Variants in CNNM2 observed in about 807,000 individuals in gnomAD.
The protein encoded by CNNM2 is cyclin and CBS domain divalent metal cation transport mediator 2.
Under a neutral mutation model 66.9 loss-of-function variants are expected in CNNM2, and 12 were observed. That is an observed-to-expected ratio of 0.18 (90% CI 0.11 to 0.29). The LOEUF is 0.29. Ranked by LOEUF, CNNM2 falls within the 10% of genes least tolerant of loss-of-function variation. The pLI is 1.00. For synonymous variants in CNNM2, 557 were observed against 501.8 expected (o/e 1.11, Z -1.47); for missense variants, 705 against 1,167.7 (o/e 0.60, Z 5.77).
At position 102,919,044 on chromosome 10, in the gene CNNM2, C is replaced by T. The variant is rs117691462; in HGVS notation, c.564C>T (p.Ser188=). The T allele has an allele frequency of 5.6e-3, 8,950 of 1,612,554 alleles. 32 individuals carry two copies. Among genetic ancestry groups the T allele is most frequent in the Non-Finnish European group, 6.9e-3 (8,191 of 1,179,478 alleles). The change falls in exon 1 of 8, where the codon TCC becomes TCT. Residue 188 remains serine (S), a synonymous_variant. Coordinates refer to ENST00000369878, the MANE Select transcript of CNNM2 (RefSeq NM_017649.5). ...TACGCAAGATGGAGAAGAGCAAGTC[C>T]TATTACCTGTGCACGTCGCTCTCCA... ...KPLRKMEKSK[S]YYLCTSLSTP... is the part of the protein sequence containing the mutation.
rs528932827 is a variant in CNNM2, at chr10:102,959,506, C to G, written c.1621+39405C>G. 2.6e-5 allele frequency among the ~76,000 whole-genome samples: 4 copies of G among 152,304 alleles called. No individual in the cohort carries two copies. The South Asian group carries it at 6.2e-4, about 24-fold the overall frequency. On this transcript the variant is annotated intron_variant, in intron 1 of 7. Transcript: ENST00000369878. Reference sequence around the variant, plus strand: ...AGACATCTGGCTTTGAATTCTGGCTCCTTTGCTTAATAGCTGCATAACACC... The same window carrying G: ...AGACATCTGGCTTTGAATTCTGGCTGCTTTGCTTAATAGCTGCATAACACC...
chr10:103,067,225 C>G (rs576434046), intron 4 of CNNM2, among the ~76,000 whole-genome samples: 1 of 151,724 alleles, frequency 6.6e-6, no homozygotes, highest in Non-Finnish European at 1.5e-5. Context: ...TACAGGTGCA[C>G]GCCACCATGC....
At chr10:102,945,209 G>A (rs1341921490) in intron 1 of CNNM2, among the ~76,000 whole-genome samples, 1 of 151,890 alleles carries the variant, frequency 6.6e-6, no homozygotes, top group Non-Finnish European at 1.5e-5. Context: ...TTCAAGCATC[G>A]AAATAGGCGT....
At chr10:102,991,421 A>G (rs960429266) in intron 1 of CNNM2, among the ~76,000 whole-genome samples, 1 of 152,202 alleles carries the variant, frequency 6.6e-6, no homozygotes, top group African/African-American at 2.4e-5. Flanking sequence ...ATTTATTTTT[A>G]GTAATATTTC....
At chr10:103,005,491 A>C (rs2064208173) in intron 1 of CNNM2, among the ~76,000 whole-genome samples, 1 of 151,880 alleles carries the variant, frequency 6.6e-6, no homozygotes. Flanking sequence ...TCTGCTAAAA[A>C]TACAAAAATT....
At chr10:103,040,741 T>A (rs910224914) in intron 1 of CNNM2, among the ~76,000 whole-genome samples, 1 of 152,076 alleles carries the variant, frequency 6.6e-6, no homozygotes, top group African/African-American at 2.4e-5. Flanking sequence ...GCTGACTGAT[T>A]TCAGATATTT....
At chr10:103,017,089 C>G (rs2064467626) in intron 1 of CNNM2, among the ~76,000 whole-genome samples, 1 of 151,872 alleles carries the variant, frequency 6.6e-6, no homozygotes, top group Non-Finnish European at 1.5e-5. Context: ...TTTGTGAGGC[C>G]CAACAATACT....
At chr10:102,982,769 T>C (rs1187628346) in intron 1 of CNNM2, among the ~76,000 whole-genome samples, 2 of 152,238 alleles carry the variant, frequency 1.3e-5, no homozygotes, top group Non-Finnish European at 2.9e-5. Flanking sequence ...ACGATACTCA[T>C]TGTTATTTCA....
Position 103,087,136 on chromosome 10 carries a change from C to A in CNNM2, c.*9956C>A, listed in dbSNP as rs572211962. 1.4e-5 allele frequency: 1 copy of A among 70,286 alleles called. No homozygotes were observed. The highest frequency in any genetic ancestry group is 3.2e-5 in the Non-Finnish European group (1 of 31,686). The allele number at this position is 70,286 out of a possible 1,614,324, so 4.4% of individuals were successfully genotyped here. A position where few individuals can be genotyped will look rare whatever the true frequency, so the allele number is the denominator to read the frequency against. ...GGTCTTCTCACGGTATAAAACTCCG[C>A]AGGATTTTTTTTTTTTTTTTTTTTT... On this transcript the variant is annotated 3_prime_UTR_variant, in exon 8 of 8. Transcript: ENST00000369878.
At position 103,081,839 on chromosome 10, in the gene CNNM2, A is replaced by G. The variant is rs2065761068; in HGVS notation, c.*4659A>G. Reference sequence around the variant, plus strand: ...GAAGAAGAGATGGCAGTTCACAGCAACTGCATAGAGTAGGGAGCAGCTTTC... The same window carrying G: ...GAAGAAGAGATGGCAGTTCACAGCAGCTGCATAGAGTAGGGAGCAGCTTTC... On this transcript the variant is annotated 3_prime_UTR_variant, in exon 8 of 8. Transcript: ENST00000369878. 1 of 152,216 alleles carries G rather than the reference A, an allele frequency of 6.6e-6. No homozygotes were observed. Among genetic ancestry groups the G allele is most frequent in the African/African-American group, 2.4e-5 (1 of 41,462 alleles). The allele number at this position is 152,216 out of a possible 1,614,324, so 9.4% of individuals were successfully genotyped here. A position where few individuals can be genotyped will look rare whatever the true frequency, so the allele number is the denominator to read the frequency against.
intron 1 of CNNM2, among the ~76,000 whole-genome samples, chr10:102,960,340 A>C (rs2063360641): frequency 6.6e-6 from 1 of 152,202 alleles, no homozygotes; most frequent in South Asian, 2.1e-4. Context: ...ATCATGACTG[A>C]AAGGTGTTTG....
rs1206577839 is a variant in CNNM2 at position 102,976,425 on chromosome 10, C to CTTTTTTTTT, written c.1621+56342_1621+56350dup. Among the ~76,000 whole-genome samples the CTTTTTTTTT allele has an allele frequency of 8.6e-5, 3 of 34,690 alleles. 1 individual carries two copies. Among genetic ancestry groups the CTTTTTTTTT allele is most frequent in the Non-Finnish European group, 1.5e-4 (3 of 19,636 alleles). 22.8% of individuals were successfully genotyped at this position (34,690 alleles called of 152,430 possible). A position where few individuals can be genotyped will look rare whatever the true frequency, so the allele number is the denominator to read the frequency against. ...TTACAGTATCAGTTCCAATTCTTGC[C>CTTTTTTTTT]TTTTTTTTTTTTTTTTTTTTTTTTT... On this transcript the variant is annotated intron_variant, in intron 1 of 7. Coordinates refer to ENST00000369878, the MANE Select transcript of CNNM2 (RefSeq NM_017649.5).
chr10:102,943,501 A>G (rs371728767), intron 1 of CNNM2, among the ~76,000 whole-genome samples: 15 of 152,330 alleles, frequency 9.8e-5, no homozygotes, highest in African/African-American at 3.4e-4. Flanking sequence ...TGAAATGTTA[A>G]TAAAAATGAG....
chr10:103,082,109 A>G lies in CNNM2; in HGVS notation c.*4929A>G, dbSNP rs2065762891. 6.6e-6 allele frequency: 1 copy of G among 152,262 alleles called. No homozygotes were observed. The highest frequency in any genetic ancestry group is 1.5e-5 in the Non-Finnish European group (1 of 68,050). 9.4% of individuals were successfully genotyped at this position (152,262 alleles called of 1,614,324 possible). A position where few individuals can be genotyped will look rare whatever the true frequency, so the allele number is the denominator to read the frequency against. On this transcript the variant is annotated 3_prime_UTR_variant, in exon 8 of 8. Transcript: ENST00000369878. ...CAAGGTTTATATGTACACAGATCCA[A>G]CACATACTGTAAGAAAGACTTGAGT...
At chr10:103,007,490 A>G (rs1335874639) in intron 1 of CNNM2, among the ~76,000 whole-genome samples, 1 of 152,070 alleles carries the variant, frequency 6.6e-6, no homozygotes, top group African/African-American at 2.4e-5. Flanking sequence ...CGTAAGACAG[A>G]CACTCCCAGA....
At chr10:102,977,682 G>T (rs772466195) in intron 1 of CNNM2, among the ~76,000 whole-genome samples, 1 of 152,118 alleles carries the variant, frequency 6.6e-6, no homozygotes, top group Non-Finnish European at 1.5e-5. Context: ...TTAGCCGAGT[G>T]TGGTGGCACA....
At chr10:103,013,242 A>G (rs572167425) in intron 1 of CNNM2, among the ~76,000 whole-genome samples, 4 of 152,348 alleles carry the variant, frequency 2.6e-5, no homozygotes, top group African/African-American at 7.2e-5. Context: ...ATAAAAACCC[A>G]GGGAATGTTA....
intron 6 of CNNM2, 82 bp from the exon 7 acceptor site, chr10:103,076,004 T>C (rs2065683850): frequency 3.2e-5 from 41 of 1,278,448 alleles, no homozygotes; most frequent in Non-Finnish European, 4.2e-5. Context: ...TGGCATTTAG[T>C]ATTTTTTATT....
At chr10:102,920,232 C>T in intron 1 of CNNM2, 131 bp downstream of exon 1, 1 of 1,580,782 alleles carries the variant, frequency 6.3e-7, no homozygotes, top group Non-Finnish European at 8.6e-7. Context: ...CTCTTAATTG[C>T]AAAGTTGAAA....
Sources: allele counts gnomAD v4.1 joint callset (sites outside exome capture counted in the v4.1 genomes callset), GRCh38; gene constraint gnomAD v4.1.1; transcripts MANE v1.5; gene names NCBI Gene and HGNC (gene_info 2026-07-23, HGNC 2026-07-21).